The following SORBS2 variants were observed in gnomAD, a reference collection of about 807,000 sequenced individuals.
SORBS2 encodes the protein sorbin and SH3 domain-containing protein 2.
A neutral mutation model predicts 97.7 loss-of-function variants in SORBS2; 46 were observed. The observed-to-expected ratio is 0.47, with a 90% confidence interval of 0.37 to 0.60. The LOEUF (loss-of-function observed/expected upper bound fraction) is 0.60, where lower values mean the gene tolerates loss of function less well. Among genes scored for constraint, SORBS2 ranks in the 20% least tolerant of loss-of-function variants. SORBS2 has a pLI of 0.00. For missense variants in SORBS2, 1,316 were observed against 1,282.3 expected (o/e 1.03, Z -0.40); for synonymous variants, 476 against 473.4 (o/e 1.01, Z -0.07).
chr4:185,835,389 T>G (rs2099207458), intron 1 of SORBS2, among the ~76,000 whole-genome samples: 1 of 152,240 alleles, frequency 6.6e-6, no homozygotes, highest in Admixed American at 6.5e-5. Flanking sequence ...ACATTTCAAT[T>G]CTAACGGTGT....
chr4:185,603,331 T>G (rs1450410042), intron 12 of SORBS2, among the ~76,000 whole-genome samples: 1 of 152,212 alleles, frequency 6.6e-6, no homozygotes, highest in Non-Finnish European at 1.5e-5. Flanking sequence ...TTCTTAGCCT[T>G]AGGCATCATA....
At chr4:185,675,639 T>G (rs2097779974) in intron 4 of SORBS2, among the ~76,000 whole-genome samples, 1 of 152,262 alleles carries the variant, frequency 6.6e-6, no homozygotes, top group Admixed American at 6.5e-5. Context: ...ACCTACTCCA[T>G]GAGATTGTGG....
At chr4:185,711,791 C>T (rs1175563767) in intron 2 of SORBS2, among the ~76,000 whole-genome samples, 3 of 152,048 alleles carry the variant, frequency 2.0e-5, no homozygotes, top group Non-Finnish European at 4.4e-5. Context: ...TTCTGAAGCC[C>T]GGGTCTGTCT....
At chr4:185,797,070 G>A (rs113215827) in intron 1 of SORBS2, among the ~76,000 whole-genome samples, 2,528 of 152,182 alleles carry the variant, frequency 0.017, 69 homozygotes, top group African/African-American at 0.057. Flanking sequence ...AAACCTCAGA[G>A]GCTCCTCCAC....
chr4:185,858,090 T>A (rs1297850058), intron 1 of SORBS2, among the ~76,000 whole-genome samples: 1 of 152,200 alleles, frequency 6.6e-6, no homozygotes, highest in Non-Finnish European at 1.5e-5. Flanking sequence ...GAGGTCTCCA[T>A]CACGGTCCTA....
exon 11 of SORBS2, chr4:185,614,901 C>T: frequency 1.2e-6 from 2 of 1,614,186 alleles, no homozygotes; most frequent in Non-Finnish European, 1.7e-6. Flanking sequence ...TCCGATTTCT[C>T]CGGGCTGGGC....
chr4:185,708,106 C>T (rs926280354), intron 2 of SORBS2, among the ~76,000 whole-genome samples: 1 of 152,154 alleles, frequency 6.6e-6, no homozygotes, highest in African/African-American at 2.4e-5. Context: ...TTCTGGGTGA[C>T]CCTCATAAAA....
intron 4 of SORBS2, among the ~76,000 whole-genome samples, chr4:185,669,327 C>T (rs1329851890): frequency 8.5e-5 from 13 of 152,156 alleles, no homozygotes; most frequent in East Asian, 1.9e-4. Context: ...TCAAGGCGGG[C>T]GTCATTGACC....
At chr4:185,839,964 A>G (rs2099210482) in intron 1 of SORBS2, among the ~76,000 whole-genome samples, 1 of 150,218 alleles carries the variant, frequency 6.7e-6, no homozygotes, top group African/African-American at 2.4e-5. Context: ...ACGATGTAGG[A>G]TATCGTCAGC....
In SORBS2 at chr4:185,719,090, T is replaced by C. The variant is rs572005347; in HGVS notation, c.-197-40268A>G. ...GAATCTGGTTTTAAAAAAAAATCGG[T>C]GTACCTGTTCTCTGTTGTATAAAGA... On this transcript the variant is annotated intron_variant, in intron 2 of 20. Transcript: ENST00000284776. Among the ~76,000 whole-genome samples the C allele has an allele frequency of 5.9e-5, 9 of 152,222 alleles. No homozygotes were observed. In the East Asian group the frequency reaches 1.7e-3, roughly 29 times the overall value.
chr4:185,772,922 G>C (rs1393806682), intron 2 of SORBS2: 3 of 152,188 alleles, frequency 2.0e-5, no homozygotes, highest in Admixed American at 2.0e-4. Context: ...TTTCGTGCAA[G>C]GCTGGGTAGA....
intron 2 of SORBS2, among the ~76,000 whole-genome samples, chr4:185,762,169 T>C (rs1162585650): frequency 1.3e-5 from 2 of 152,202 alleles, no homozygotes; most frequent in African/African-American, 2.4e-5. Context: ...AGGGACTAAG[T>C]TGGTATGAAG....
intron 2 of SORBS2, 35 bp downstream of exon 11, chr4:185,651,749 A>C: frequency 8.0e-7 from 1 of 1,246,266 alleles, no homozygotes; most frequent in Non-Finnish European, 1.2e-6. Flanking sequence ...TGCTGAGCAT[A>C]AAATAGTCAT....
chr4:185,878,196 A>G (rs1248944231), intron 1 of SORBS2, among the ~76,000 whole-genome samples: 1 of 152,236 alleles, frequency 6.6e-6, no homozygotes, highest in East Asian at 1.9e-4. Context: ...AATTAAAAAA[A>G]GAATTTGCAG....
chr4:185,807,387 C>G (rs1242488561), intron 1 of SORBS2, among the ~76,000 whole-genome samples: 1 of 152,066 alleles, frequency 6.6e-6, no homozygotes, highest in Non-Finnish European at 1.5e-5. Flanking sequence ...CTCTAAGGTA[C>G]AGAATTTAAT....
chr4:185,903,059 G>A (rs1017030367), intron 1 of SORBS2, among the ~76,000 whole-genome samples: 1 of 152,172 alleles, frequency 6.6e-6, no homozygotes, highest in Admixed American at 6.5e-5. Flanking sequence ...GTCCATGGAA[G>A]GTTCTCAGGG....
At chr4:185,916,270 C>T (rs1270000315) in intron 1 of SORBS2, among the ~76,000 whole-genome samples, 1 of 152,148 alleles carries the variant, frequency 6.6e-6, no homozygotes, top group Admixed American at 6.5e-5. Context: ...AAACCAGGGG[C>T]CTCAGATGTT....
At chr4:185,675,895 T>A (rs1318291133) in intron 4 of SORBS2, among the ~76,000 whole-genome samples, 2 of 152,230 alleles carry the variant, frequency 1.3e-5, no homozygotes, top group African/African-American at 2.4e-5. Context: ...CATTTCTGTT[T>A]AAGGCTCGTC....
At position 185,914,010 on chromosome 4, in the gene SORBS2, G is replaced by C. The variant is rs554741837; in HGVS notation, c.-338+42186C>G. ...GAGCACAAACCTTCAAATATGTTCA[G>C]TTATTGACACACAAAGCTTAAAAAT... On this transcript the variant is annotated intron_variant, in intron 1 of 20. Coordinates refer to the SORBS2 transcript ENST00000284776. 6.6e-4 allele frequency among the ~76,000 whole-genome samples: 100 copies of C among 152,232 alleles called. 1 individual carries two copies. The highest frequency in any genetic ancestry group is 2.4e-3 in the African/African-American group (98 of 41,552).
Sources: gnomAD v4.1 joint callset for allele counts (sites outside exome capture counted in the v4.1 genomes callset) on GRCh38, gnomAD v4.1.1 for gene constraint, MANE v1.5 for transcripts, NCBI Gene and HGNC (gene_info 2026-07-23, HGNC 2026-07-21) for gene names.